The following NTM variants were observed in gnomAD, a reference collection of about 807,000 sequenced individuals.
NTM encodes the protein neurotrimin.
Under a neutral mutation model 42.1 loss-of-function variants are expected in NTM, and 13 were observed. That is an observed-to-expected ratio of 0.31 (90% CI 0.20 to 0.49). The LOEUF is 0.49. Ranked by LOEUF, NTM falls within the 20% of genes least tolerant of loss-of-function variation. NTM has a pLI of 0.99. For missense variants in NTM, 373 were observed against 452.8 expected (o/e 0.82, Z 1.60); for synonymous variants, 187 against 179.2 (o/e 1.04, Z -0.35).
At chr11:132,052,143 G>A (rs557405703) in intron 2 of NTM, among the ~76,000 whole-genome samples, 1 of 152,306 alleles carries the variant, frequency 6.6e-6, no homozygotes, top group South Asian at 2.1e-4. Context: ...TATGTGACTG[G>A]TTTAGAAAAT....
At chr11:131,865,678 T>A (rs1297952944) in intron 1 of NTM, among the ~76,000 whole-genome samples, 2 of 150,984 alleles carry the variant, frequency 1.3e-5, no homozygotes, top group East Asian at 2.0e-4. Flanking sequence ...ACACACACAC[T>A]CACATACACA....
intron 1 of NTM, among the ~76,000 whole-genome samples, chr11:131,734,893 A>G (rs913180249): frequency 3.9e-5 from 6 of 152,222 alleles, no homozygotes; most frequent in African/African-American, 1.2e-4. Flanking sequence ...AATTAAAATA[A>G]CACCAAGAAC....
chr11:131,679,596 T>G (rs2072058499), intron 1 of NTM, among the ~76,000 whole-genome samples: 1 of 151,836 alleles, frequency 6.6e-6, no homozygotes, highest in South Asian at 2.1e-4. Context: ...CTGATTATGC[T>G]TCTTCCTCTG....
At chr11:132,050,199 A>ATTGCT (rs1214292215) in intron 2 of NTM, among the ~76,000 whole-genome samples, 1 of 152,142 alleles carries the variant, frequency 6.6e-6, no homozygotes, top group African/African-American at 2.4e-5. Flanking sequence ...TCTTTCTCGT[A>ATTGCT]TTGCTATGCG....
At chr11:132,039,035 C>T (rs1254732338) in intron 2 of NTM, among the ~76,000 whole-genome samples, 6 of 152,224 alleles carry the variant, frequency 3.9e-5, no homozygotes, top group Non-Finnish European at 8.8e-5. Context: ...CAGTCGGGTA[C>T]AGCAGCCACA....
chr11:131,664,567 ATCCCCAGT>A (rs2068660971), intron 1 of NTM, among the ~76,000 whole-genome samples: 1 of 152,098 alleles, frequency 6.6e-6, no homozygotes, highest in Admixed American at 6.6e-5. Context: ...CCAGCTGTCT[ATCCCCAGT>A]GCCAGGTACC....
In NTM at chr11:132,177,490, G is replaced by T. The variant is rs139832633; in HGVS notation, c.400+30976G>T. 2.6e-3 allele frequency among the ~76,000 whole-genome samples: 389 copies of T among 152,280 alleles called. 1 individual carries two copies. The highest frequency in any genetic ancestry group is 3.7e-3 in the Admixed American group (57 of 15,304). On this transcript the variant is annotated intron_variant, in intron 3 of 8. Transcript: ENST00000683400. ...CAAAGTGGAATAGGGGACACAAGTGGATGACTTTATAATGCATTATTATTA... is the reference window on the plus strand; with the variant it reads ...CAAAGTGGAATAGGGGACACAAGTGTATGACTTTATAATGCATTATTATTA...
At chr11:131,747,215 G>A (rs1182665579) in intron 1 of NTM, among the ~76,000 whole-genome samples, 1 of 152,128 alleles carries the variant, frequency 6.6e-6, no homozygotes, top group Non-Finnish European at 1.5e-5. Flanking sequence ...CAAACTCTAT[G>A]TGCAGTCAAA....
chr11:131,589,710 C>T (rs954489120), intron 1 of NTM, among the ~76,000 whole-genome samples: 1 of 152,178 alleles, frequency 6.6e-6, no homozygotes, highest in African/African-American at 2.4e-5. Flanking sequence ...GTTCCTGCAT[C>T]CACACATACA....
intron 2 of NTM, among the ~76,000 whole-genome samples, chr11:131,930,200 C>A (rs151139005): frequency 6.6e-6 from 1 of 152,126 alleles, no homozygotes; most frequent in African/African-American, 2.4e-5. Flanking sequence ...GCATTTGAAA[C>A]TTTTCTATTA....
intron 1 of NTM, among the ~76,000 whole-genome samples, chr11:131,578,278 C>A (rs190054432): frequency 6.6e-6 from 1 of 152,134 alleles, no homozygotes; most frequent in South Asian, 2.1e-4. Flanking sequence ...ATAATTAGGT[C>A]CCCCAAGCAA....
chr11:131,930,160 C>T (rs2058435794), intron 2 of NTM, among the ~76,000 whole-genome samples: 1 of 152,128 alleles, frequency 6.6e-6, no homozygotes, highest in Non-Finnish European at 1.5e-5. Context: ...TTTTAAAAGG[C>T]AATAATAATA....
intron 1 of NTM, among the ~76,000 whole-genome samples, chr11:131,580,850 T>C (rs2058344305): frequency 6.6e-6 from 1 of 152,224 alleles, no homozygotes; most frequent in African/African-American, 2.4e-5. Context: ...GTTTGGGTTC[T>C]TGTAGCTGTC....
chr11:131,951,987 A>G (rs1325177113), intron 2 of NTM, among the ~76,000 whole-genome samples: 3 of 152,132 alleles, frequency 2.0e-5, no homozygotes, highest in Non-Finnish European at 4.4e-5. Context: ...AAAGTTCACA[A>G]CAAGAAAGTA....
intron 4 of NTM, among the ~76,000 whole-genome samples, chr11:132,296,174 C>CAT (rs1227175155): frequency 1.3e-5 from 2 of 152,156 alleles, no homozygotes; most frequent in African/African-American, 4.8e-5. Flanking sequence ...GTCTGGGAAG[C>CAT]ATACAGAGTA....
intron 1 of NTM, among the ~76,000 whole-genome samples, chr11:131,402,499 GA>G (rs1205933692): frequency 5.2e-4 from 79 of 151,944 alleles, no homozygotes; most frequent in African/African-American, 1.8e-3. Flanking sequence ...AAGAAACTAA[GA>G]GAAAAAAAGG....
chr11:131,542,411 T>C (rs1416742600), intron 1 of NTM, among the ~76,000 whole-genome samples: 1 of 152,210 alleles, frequency 6.6e-6, no homozygotes, highest in Non-Finnish European at 1.5e-5. Flanking sequence ...AGTGACAATG[T>C]TAAGTGCCAT....
At chr11:131,767,021 T>A (rs2085227057) in intron 1 of NTM, 1 of 282,800 alleles carries the variant, frequency 3.5e-6, no homozygotes, top group African/African-American at 2.3e-5. Flanking sequence ...AATTATTCAC[T>A]AATATAACCA....
chr11:131,511,285 C>A (rs2048205188), intron 1 of NTM, among the ~76,000 whole-genome samples: 1 of 152,160 alleles, frequency 6.6e-6, no homozygotes, highest in Non-Finnish European at 1.5e-5. Context: ...CCCTCAGGCC[C>A]CAGCCAGGCC....
Sources: allele counts gnomAD v4.1 joint callset (sites outside exome capture counted in the v4.1 genomes callset), GRCh38; gene constraint gnomAD v4.1.1; transcripts MANE v1.5; gene names NCBI Gene and HGNC (gene_info 2026-07-23, HGNC 2026-07-21).